NCKAP5: variants seen among roughly 807,000 people sequenced by gnomAD.
NCKAP5 encodes NCK associated protein 5, also known as nck-associated protein 5.
In NCKAP5, 92 loss-of-function variants were observed where a neutral mutation model predicts 167.0. That is an observed-to-expected ratio of 0.55 (90% CI 0.47 to 0.66). The LOEUF (loss-of-function observed/expected upper bound fraction) is 0.66. Ranked by LOEUF, NCKAP5 falls within the 30% of genes least tolerant of loss-of-function variation. The pLI, the probability that NCKAP5 is intolerant of heterozygous loss-of-function variation, is 0.00. For synonymous variants in NCKAP5, 891 were observed against 877.4 expected, an observed-to-expected ratio of 1.02 and a Z score of -0.27; for missense variants, 2,378 against 2,315.0, an observed-to-expected ratio of 1.03 and a Z score of -0.56.
At chr2:132,898,782 T>C (rs1019776292) in intron 8 of NCKAP5, among the ~76,000 whole-genome samples, 1 of 152,248 alleles carries the variant, frequency 6.6e-6, no homozygotes, top group East Asian at 1.9e-4. Flanking sequence ...AGTAGACTTA[T>C]TAGTAAAATA....
At chr2:133,655,576 G>A in the NCKAP5 span, among the ~76,000 whole-genome samples, 4 of 152,108 alleles carry the variant, frequency 2.6e-5, no homozygotes, top group African/African-American at 9.7e-5. Context: ...CCATCAATCA[G>A]GTTTTTAGGT....
At chr2:132,919,392 T>C (rs1695132617) in intron 8 of NCKAP5, among the ~76,000 whole-genome samples, 2 of 152,168 alleles carry the variant, frequency 1.3e-5, no homozygotes, top group Admixed American at 1.3e-4. Flanking sequence ...TCTATCTTGC[T>C]TTGAATGTGT....
At chr2:133,263,545 A>C (rs1473596166) in intron 4 of NCKAP5, among the ~76,000 whole-genome samples, 4 of 152,088 alleles carry the variant, frequency 2.6e-5, no homozygotes, top group African/African-American at 9.7e-5. Context: ...ATGATATCTG[A>C]AATGCAAACC....
chr2:133,470,174 T>C (rs1692939313), intron 3 of NCKAP5, among the ~76,000 whole-genome samples: 3 of 152,330 alleles, frequency 2.0e-5, no homozygotes, highest in East Asian at 1.9e-4. Flanking sequence ...GATGGTGATG[T>C]ACAGATGGGT....
chr2:133,164,174 A>G (rs2083910568), intron 5 of NCKAP5, among the ~76,000 whole-genome samples: 1 of 152,240 alleles, frequency 6.6e-6, no homozygotes, highest in African/African-American at 2.4e-5. Context: ...TTCATAATAT[A>G]TAAATTGATG....
At chr2:133,022,495 A>G (rs905342874) in intron 6 of NCKAP5, among the ~76,000 whole-genome samples, 2 of 152,070 alleles carry the variant, frequency 1.3e-5, no homozygotes, top group East Asian at 1.9e-4. Context: ...CTAAAGATGG[A>G]TCCTCCAGGG....
intron 3 of NCKAP5, among the ~76,000 whole-genome samples, chr2:133,462,665 T>A (rs796748969): frequency 5.3e-5 from 8 of 152,250 alleles, no homozygotes; most frequent in African/African-American, 1.9e-4. Flanking sequence ...AGAACTTGGA[T>A]TTCTTGATCT....
At position 133,290,408 on chromosome 2, in the gene NCKAP5, C is replaced by T. The variant is rs148500377; in HGVS notation, c.143+12629G>A. ...CTCAAAATCATAATTGGTAGATCAA[C>T]AGAATAAAATTATGAGATACAAATA... On this transcript the variant is annotated intron_variant, in intron 4 of 19. Transcript: ENST00000409261. Among the ~76,000 whole-genome samples the T allele has an allele frequency of 2.7e-3, 411 of 152,246 alleles. 2 individuals are homozygous for T. The highest frequency in any genetic ancestry group is 0.017 in the Middle Eastern group (5 of 294).
At chr2:133,434,596 AG>A (rs1440135643) in intron 3 of NCKAP5, among the ~76,000 whole-genome samples, 2 of 152,228 alleles carry the variant, frequency 1.3e-5, no homozygotes, top group Non-Finnish European at 2.9e-5. Flanking sequence ...AAATGAAGTG[AG>A]TTAAATATGT....
chr2:133,106,327 G>A (rs1454983735), intron 6 of NCKAP5, among the ~76,000 whole-genome samples: 2 of 150,950 alleles, frequency 1.3e-5, no homozygotes, highest in Non-Finnish European at 2.9e-5. Context: ...ACTACAGGAA[G>A]CTGATTGTAT....
intron 16 of NCKAP5, among the ~76,000 whole-genome samples, chr2:132,770,879 T>C (rs1327747532): frequency 2.0e-5 from 3 of 152,168 alleles, no homozygotes; most frequent in East Asian, 3.8e-4. Flanking sequence ...AGTTAAACCA[T>C]TGTAATGTCA....
intron 8 of NCKAP5, among the ~76,000 whole-genome samples, chr2:132,917,788 C>A (rs1426272923): frequency 6.6e-6 from 1 of 152,102 alleles, no homozygotes; most frequent in African/African-American, 2.4e-5. Context: ...TGTCTTTGGG[C>A]TCCAAACCAT....
At chr2:133,667,529 C>T in the NCKAP5 span, among the ~76,000 whole-genome samples, 3 of 152,026 alleles carry the variant, frequency 2.0e-5, no homozygotes, top group Non-Finnish European at 4.4e-5. Context: ...GATTCCCTAT[C>T]CTAACTAAAG....
At chr2:133,247,368 T>C (rs1041635743) in intron 4 of NCKAP5, among the ~76,000 whole-genome samples, 3 of 152,252 alleles carry the variant, frequency 2.0e-5, no homozygotes, top group African/African-American at 7.2e-5. Flanking sequence ...AAAGTGATTT[T>C]ATTCTATGTT....
chr2:132,916,000 T>C lies in NCKAP5; in HGVS notation c.580-37084A>G, dbSNP rs143266854. On this transcript the variant is annotated intron_variant, in intron 8 of 19. Transcript: ENST00000409261. ...TGAGGTGGGGCTATGACTCAATAAA[T>C]GTGTATACTTTCTCTGTATTTCACA... 2.0e-4 allele frequency among the ~76,000 whole-genome samples: 31 copies of C among 152,148 alleles called. No individual in the cohort carries two copies. In the East Asian group the frequency reaches 6.0e-3, roughly 29 times the overall value.
At chr2:133,264,155 T>C (rs1418182483) in intron 4 of NCKAP5, among the ~76,000 whole-genome samples, 5 of 152,210 alleles carry the variant, frequency 3.3e-5, no homozygotes, top group Admixed American at 2.0e-4. Flanking sequence ...ACTTATCTTC[T>C]CCAAGTTACA....
intron 3 of NCKAP5, among the ~76,000 whole-genome samples, chr2:133,464,231 T>C (rs557557928): frequency 1.8e-4 from 27 of 152,322 alleles, no homozygotes; most frequent in Middle Eastern, 3.4e-3. Flanking sequence ...TCTGTACACA[T>C]GAGTCCTTCT....
chr2:133,283,848 T>C lies in NCKAP5; in HGVS notation c.143+19189A>G, dbSNP rs1020316354. 6.7e-4 allele frequency among the ~76,000 whole-genome samples: 102 copies of C among 152,094 alleles called. 1 individual carries two copies. The highest frequency in any genetic ancestry group is 1.8e-4 in the Non-Finnish European group (12 of 68,018). On this transcript the variant is annotated intron_variant, in intron 4 of 19. Coordinates refer to ENST00000409261, the MANE Select transcript of NCKAP5 (RefSeq NM_207363.3). Reference sequence around the variant, plus strand: ...CTGGTCTCAAACTCCTGACCTCAGGTGATCCGCCCGCCTCGGCCTCCCAAA... The same window carrying C: ...CTGGTCTCAAACTCCTGACCTCAGGCGATCCGCCCGCCTCGGCCTCCCAAA...
intron 11 of NCKAP5, among the ~76,000 whole-genome samples, chr2:132,824,538 T>C (rs989616163): frequency 1.3e-5 from 2 of 152,232 alleles, no homozygotes; most frequent in African/African-American, 4.8e-5. Context: ...GGCTTTCTAA[T>C]CTCTGAAGTA....
Sources: gnomAD v4.1 joint callset for allele counts (sites outside exome capture counted in the v4.1 genomes callset) on GRCh38, gnomAD v4.1.1 for gene constraint, MANE v1.5 for transcripts, NCBI Gene and HGNC (gene_info 2026-07-23, HGNC 2026-07-21) for gene names.